The following UVRAG variants were observed in gnomAD, a reference collection of about 807,000 sequenced individuals.
The protein encoded by UVRAG is UV radiation resistance-associated gene protein.
In UVRAG, 19 loss-of-function variants were observed where a neutral mutation model predicts 78.0. The ratio of observed to expected loss-of-function variants is 0.24; its 90% CI spans 0.17 to 0.36. UVRAG has a LOEUF of 0.36. Among genes scored for constraint, UVRAG ranks in the 10% least tolerant of loss-of-function variants. The pLI is 1.00. For synonymous variants in UVRAG, 323 were observed against 324.6 expected (o/e 1.00, Z 0.05); for missense variants, 740 against 853.8 (o/e 0.87, Z 1.66).
chr11:76,069,529 A>G (rs1234812308), intron 13 of UVRAG, among the ~76,000 whole-genome samples: 1 of 152,252 alleles, frequency 6.6e-6, no homozygotes, highest in South Asian at 2.1e-4. Flanking sequence ...TAAGTACATT[A>G]TATTAGAATT....
At chr11:75,983,992 A>G (rs1481159447) in intron 8 of UVRAG, among the ~76,000 whole-genome samples, 2 of 152,250 alleles carry the variant, frequency 1.3e-5, no homozygotes, top group Admixed American at 6.5e-5. Context: ...AAGTTAGTCC[A>G]TAGAGACAAG....
chr11:75,818,766 T>C (rs996356059), intron 1 of UVRAG, among the ~76,000 whole-genome samples: 1 of 152,130 alleles, frequency 6.6e-6, no homozygotes, highest in African/African-American at 2.4e-5. Flanking sequence ...TGTGAGCCAT[T>C]GCGCCCGGCT....
chr11:76,039,980 A>T (rs918589364), intron 12 of UVRAG, among the ~76,000 whole-genome samples: 1 of 152,248 alleles, frequency 6.6e-6, no homozygotes, highest in Non-Finnish European at 1.5e-5. Context: ...GAATAAATGG[A>T]TGCACACACA....
intron 3 of UVRAG, among the ~76,000 whole-genome samples, chr11:75,865,895 G>A (rs1014620282): frequency 1.4e-4 from 22 of 152,248 alleles, no homozygotes; most frequent in African/African-American, 4.6e-4. Flanking sequence ...GATTACAGGC[G>A]TGAGCCACCA....
chr11:75,965,581 C>G (rs1396225206), intron 7 of UVRAG, among the ~76,000 whole-genome samples: 1 of 152,218 alleles, frequency 6.6e-6, no homozygotes, highest in Non-Finnish European at 1.5e-5. Context: ...TCCCAAAGTG[C>G]TGGGATTACA....
intron 5 of UVRAG, among the ~76,000 whole-genome samples, chr11:75,896,332 A>C (rs1307362539): frequency 6.6e-6 from 1 of 152,166 alleles, no homozygotes; most frequent in Non-Finnish European, 1.5e-5. Flanking sequence ...GTAAGCTGGA[A>C]ATCTTTCAGA....
At position 76,002,377 on chromosome 11, in the gene UVRAG, A is replaced by G. The variant is rs897316987; in HGVS notation, c.827-1628A>G. On this transcript the variant is annotated intron_variant, in intron 8 of 14. Transcript: ENST00000356136. ...TTTTTTTTAATTTCCTTTCTACCACATTGCAAGGAGTTTTCTTGAGGGGAG... is the reference window on the plus strand; with the variant it reads ...TTTTTTTTAATTTCCTTTCTACCACGTTGCAAGGAGTTTTCTTGAGGGGAG... Among the ~76,000 whole-genome samples, 7 of 152,082 alleles carry G rather than the reference A, an allele frequency of 4.6e-5. No homozygotes were observed. The East Asian group carries it at 1.4e-3, about 29-fold the overall frequency.
chr11:75,982,240 G>A (rs1439370524), intron 7 of UVRAG, among the ~76,000 whole-genome samples: 1 of 152,196 alleles, frequency 6.6e-6, no homozygotes, highest in Non-Finnish European at 1.5e-5. Flanking sequence ...TGCCAGATGA[G>A]TATAGAAGTC....
intron 14 of UVRAG, among the ~76,000 whole-genome samples, chr11:76,135,234 T>C (rs2134507470): frequency 6.6e-6 from 1 of 152,348 alleles, no homozygotes; most frequent in Admixed American, 6.5e-5. Context: ...GGTGGGATCA[T>C]AGTGGCAGAG....
intron 14 of UVRAG, among the ~76,000 whole-genome samples, chr11:76,117,487 T>C (rs1455504920): frequency 6.6e-6 from 1 of 152,244 alleles, no homozygotes; most frequent in Non-Finnish European, 1.5e-5. Flanking sequence ...ATGACATTTT[T>C]AATTATTGTA....
chr11:75,862,135 C>T (rs1006504430), intron 3 of UVRAG, among the ~76,000 whole-genome samples: 3 of 152,138 alleles, frequency 2.0e-5, no homozygotes, highest in African/African-American at 7.2e-5. Context: ...ACTGATTTTT[C>T]TGTTAAGAAC....
At chr11:75,926,829 G>C (rs1003668404) in intron 6 of UVRAG, among the ~76,000 whole-genome samples, 5 of 151,904 alleles carry the variant, frequency 3.3e-5, no homozygotes, top group Admixed American at 6.6e-5. Context: ...AGGACTTTGG[G>C]GATATAGTTG....
intron 13 of UVRAG, among the ~76,000 whole-genome samples, chr11:76,096,948 CT>C (rs1305351470): frequency 6.6e-6 from 1 of 152,050 alleles, no homozygotes; most frequent in African/African-American, 2.4e-5. Context: ...TGAGGCAGAG[CT>C]TGTTAGCCCC....
chr11:76,123,097 G>T (rs1481894316), intron 14 of UVRAG, among the ~76,000 whole-genome samples: 2 of 152,144 alleles, frequency 1.3e-5, no homozygotes, highest in African/African-American at 4.8e-5. Context: ...CCATATCACA[G>T]TGCCCATTAT....
At chr11:75,897,518 T>A (rs908218307) in intron 5 of UVRAG, among the ~76,000 whole-genome samples, 2 of 152,166 alleles carry the variant, frequency 1.3e-5, no homozygotes, top group Non-Finnish European at 2.9e-5. Flanking sequence ...AGCTATAATT[T>A]ATTTTATTTA....
At chr11:76,032,552 G>A (rs566110868) in intron 12 of UVRAG, among the ~76,000 whole-genome samples, 1 of 152,314 alleles carries the variant, frequency 6.6e-6, no homozygotes, top group East Asian at 1.9e-4. Context: ...TGCACAAGAT[G>A]CTAGAATTAG....
At chr11:75,877,326 G>T (rs1380296608) in intron 3 of UVRAG, among the ~76,000 whole-genome samples, 2 of 152,010 alleles carry the variant, frequency 1.3e-5, no homozygotes, top group Non-Finnish European at 1.5e-5. Flanking sequence ...CCACAAAACC[G>T]CCATTGTCAT....
At chr11:75,999,715 A>G (rs965916291) in intron 8 of UVRAG, among the ~76,000 whole-genome samples, 1 of 152,152 alleles carries the variant, frequency 6.6e-6, no homozygotes, top group East Asian at 1.9e-4. Context: ...ATGAAGTGGT[A>G]TAATATTACA....
chr11:75,920,008 G>GTTTTT (rs140217190), intron 6 of UVRAG, among the ~76,000 whole-genome samples: 664 of 55,506 alleles, frequency 0.012, 104 homozygotes, highest in East Asian at 0.034. Context: ...AATAATTTTG[G>GTTTTT]TTTTTTTTTT....
Sources: allele counts gnomAD v4.1 joint callset (sites outside exome capture counted in the v4.1 genomes callset), GRCh38; gene constraint gnomAD v4.1.1; transcripts MANE v1.5; gene names NCBI Gene and HGNC (gene_info 2026-07-23, HGNC 2026-07-21).